The following AFMID variants were observed in gnomAD, a reference collection of about 807,000 sequenced individuals.
AFMID encodes kynurenine formamidase.
A neutral mutation model predicts 47.5 loss-of-function variants in AFMID; 39 were observed. The observed-to-expected ratio is 0.82, with a 90% CI of 0.64 to 1.07. The LOEUF is 1.07. Ranked by LOEUF, AFMID falls within the 50% of genes least tolerant of loss-of-function variation. AFMID has a pLI of 0.00. For synonymous variants in AFMID, 130 were observed against 153.2 expected, an observed-to-expected ratio of 0.85 and a Z score of 1.12; for missense variants, 375 against 387.5, an observed-to-expected ratio of 0.97 and a Z score of 0.27.
At chr17:78,205,417 G>T in intron 7 of AFMID, 23 bp from the exon 8 acceptor site, 2 of 1,613,712 alleles carry the variant, frequency 1.2e-6, no homozygotes, top group Non-Finnish European at 1.7e-6. Context: ...GCCTGGCCCT[G>T]TGACAATTCT....
chr17:78,190,720 G>A, intron 1 of AFMID: 1 of 444,232 alleles, frequency 2.3e-6, no homozygotes, highest in Non-Finnish European at 4.1e-6. Flanking sequence ...TGCTGTGGGA[G>A]TGGTGCCCAT....
chr17:78,202,544 C>G lies in AFMID; in HGVS notation c.200C>G (p.Pro67Arg). The G allele has an allele frequency of 6.2e-7, 1 of 1,614,160 alleles. No homozygotes were observed. The change falls in exon 3 of 11, where the codon CCC becomes CGC. Residue 67 changes from proline to arginine, a missense_variant. Pro to Arg is a moderately radical substitution (Grantham distance 103, BLOSUM62 -2). Coordinates refer to ENST00000409257, the MANE Select transcript of AFMID (RefSeq NM_001010982.5). ...RATRKSLLHV[P>R]YGDGEGEKVD... ...ACCAGGAAGAGCCTGCTGCATGTCC[C>G]CTATGGAGACGGCGAAGGGGAGAAA...
chr17:78,200,028 G>A (rs143110720), intron 2 of AFMID, among the ~76,000 whole-genome samples: 90 of 151,762 alleles, frequency 5.9e-4, no homozygotes, highest in African/African-American at 2.0e-3. Flanking sequence ...CCAAATAAAG[G>A]TGACCCCCAC....
intron 2 of AFMID, among the ~76,000 whole-genome samples, chr17:78,201,263 C>T (rs1188483991): frequency 6.7e-6 from 1 of 149,796 alleles, no homozygotes; most frequent in African/African-American, 2.5e-5. Context: ...CACTGCACTC[C>T]AGCCTGGGTG....
At position 78,207,232 on chromosome 17, in the gene AFMID, G is replaced by T; in HGVS notation, c.*295G>T. 1 of 338,114 alleles carries T rather than the reference G, an allele frequency of 3.0e-6. No individual in the cohort carries two copies. Among genetic ancestry groups the T allele is most frequent in the East Asian group, 7.8e-5 (1 of 12,748 alleles). 20.9% of individuals were successfully genotyped at this position (338,114 alleles called of 1,614,324 possible). ...CGTCTGGCCCATCTACCTGCTGACAGAGCATGACAAAGATGACGCTCAAAA... is the reference window on the plus strand; with the variant it reads ...CGTCTGGCCCATCTACCTGCTGACATAGCATGACAAAGATGACGCTCAAAA... On this transcript the variant is annotated 3_prime_UTR_variant, in exon 11 of 11. Coordinates refer to ENST00000409257, the MANE Select transcript of AFMID (RefSeq NM_001010982.5).
intron 4 of AFMID, chr17:78,203,555 C>G (rs2076303375): frequency 6.6e-6 from 1 of 151,808 alleles, no homozygotes; most frequent in Admixed American, 6.6e-5. Context: ...AGGGGTTTCC[C>G]AGGACATGGG....
intron 2 of AFMID, among the ~76,000 whole-genome samples, chr17:78,194,699 T>A (rs964792825): frequency 6.8e-6 from 1 of 146,100 alleles, no homozygotes; most frequent in African/African-American, 2.5e-5. Flanking sequence ...GTAAAAATAC[T>A]TTTTTTTTTT....
At chr17:78,205,904 TC>T (rs1437837365) in intron 9 of AFMID, 41 bp from the exon 10 acceptor site, 6 of 1,600,696 alleles carry the variant, frequency 3.7e-6, no homozygotes, top group Non-Finnish European at 5.1e-6. Context: ...CCACCTCCCC[TC>T]CCACTGCTCA....
intron 1 of AFMID, among the ~76,000 whole-genome samples, chr17:78,188,657 C>T (rs1366116628): frequency 2.0e-5 from 3 of 151,732 alleles, no homozygotes; most frequent in African/African-American, 2.4e-5. Context: ...AGTGCAGTGG[C>T]GCGATCTGGG....
In AFMID at chr17:78,206,895, T is replaced by C. The variant is rs1555608729; in HGVS notation, c.886-16T>C. On this transcript the variant is annotated splice_polypyrimidine_tract_variant and intron_variant, in intron 10 of 10. Coordinates refer to ENST00000409257, the MANE Select transcript of AFMID (RefSeq NM_001010982.5). Reference sequence around the variant, plus strand: ...CTCTGATTCTGGGGCTTTTGTGTCTTCTCTTCCTGTTCCAGATTATCTTGA... The same window carrying C: ...CTCTGATTCTGGGGCTTTTGTGTCTCCTCTTCCTGTTCCAGATTATCTTGA... 1.2e-6 allele frequency: 2 copies of C among 1,613,856 alleles called. No homozygotes were observed. Among genetic ancestry groups the C allele is most frequent in the Admixed American group, 3.3e-5 (2 of 59,982 alleles).
chr17:78,202,508 G>A lies in AFMID; in HGVS notation c.164G>A (p.Arg55Lys), dbSNP rs768246978. Residue 55 changes from arginine (R) to lysine (K), a missense_variant, in exon 3 of 11, where the codon AGG (arginine) becomes AAG (lysine). By Grantham distance (26) the Arg-to-Lys change is conservative. Transcript: ENST00000409257. ...YSQIGIEATT[R>K]ARATRKSLLH... Reference sequence around the variant, plus strand: ...TCCATTTCTGAGACAGCCACCACAAGGGCCCGGGCCACCAGGAAGAGCCTG... The same window carrying A: ...TCCATTTCTGAGACAGCCACCACAAAGGCCCGGGCCACCAGGAAGAGCCTG... 1.2e-6 allele frequency: 2 copies of A among 1,614,128 alleles called. No homozygotes were observed. The highest frequency in any genetic ancestry group is 1.1e-5 in the South Asian group (1 of 91,086).
intron 2 of AFMID, among the ~76,000 whole-genome samples, chr17:78,198,852 C>A (rs565228616): frequency 5.3e-5 from 8 of 152,172 alleles, no homozygotes; most frequent in African/African-American, 1.9e-4. Context: ...CCACACAAGG[C>A]TTTTCAGTGA....
intron 2 of AFMID, among the ~76,000 whole-genome samples, chr17:78,196,418 C>T (rs1205032841): frequency 3.3e-5 from 5 of 152,094 alleles, no homozygotes; most frequent in African/African-American, 1.2e-4. Context: ...AGGCTCACGC[C>T]TGTAATCCCA....
intron 6 of AFMID, 56 bp from the exon 7 acceptor site, chr17:78,205,037 C>G (rs776930893): frequency 1.7e-5 from 27 of 1,566,760 alleles, no homozygotes; most frequent in Non-Finnish European, 2.1e-5. Context: ...CGAAGGGGGC[C>G]TGATGTTGTG....
intron 2 of AFMID, among the ~76,000 whole-genome samples, chr17:78,193,461 T>C (rs549382142): frequency 8.7e-5 from 13 of 149,466 alleles, no homozygotes; most frequent in African/African-American, 3.2e-4. Context: ...CTGACCCTAT[T>C]GAGAAAGAAT....
intron 2 of AFMID, among the ~76,000 whole-genome samples, chr17:78,202,206 C>T (rs1262522794): frequency 2.0e-5 from 3 of 150,238 alleles, no homozygotes; most frequent in East Asian, 2.0e-4. Context: ...GGGTGGATCA[C>T]GAGGTCAGGA....
intron 1 of AFMID, among the ~76,000 whole-genome samples, chr17:78,187,867 G>T (rs549220058): frequency 1.3e-5 from 2 of 148,540 alleles, no homozygotes; most frequent in South Asian, 4.2e-4. Flanking sequence ...CAGGAGAATC[G>T]CTTGAACCCA....
rs578035044 is a variant in AFMID, at chr17:78,188,015, G to C, written c.63+582G>C. Among the ~76,000 whole-genome samples the C allele has an allele frequency of 8.8e-4, 132 of 149,204 alleles. 1 individual carries two copies. The highest frequency in any genetic ancestry group is 3.2e-3 in the African/African-American group (129 of 40,182). Reference sequence around the variant, plus strand: ...TCCATAGACCCGCAGGAGGTTAGGGGACAAAGTTCTGGACCTTGATCTGAG... The same window carrying C: ...TCCATAGACCCGCAGGAGGTTAGGGCACAAAGTTCTGGACCTTGATCTGAG... On this transcript the variant is annotated intron_variant, in intron 1 of 10. Coordinates refer to ENST00000409257, the MANE Select transcript of AFMID (RefSeq NM_001010982.5).
intron 4 of AFMID, chr17:78,203,026 G>T: frequency 4.8e-6 from 2 of 412,812 alleles, no homozygotes; most frequent in South Asian, 8.5e-5. Flanking sequence ...TGTGATCCTG[G>T]TGTTCCTGGG....
Sources: allele counts gnomAD v4.1 joint callset (sites outside exome capture counted in the v4.1 genomes callset), GRCh38; gene constraint gnomAD v4.1.1; transcripts MANE v1.5; gene names NCBI Gene and HGNC (gene_info 2026-07-23, HGNC 2026-07-21).